MAP7D2: variants seen among roughly 807,000 people sequenced by gnomAD.
MAP7D2 encodes the protein MAP7 domain-containing protein 2.
In MAP7D2, 33 loss-of-function variants were observed where a neutral mutation model predicts 63.5. The observed-to-expected ratio is 0.52, with a 90% CI of 0.39 to 0.70. MAP7D2 has a LOEUF of 0.70. MAP7D2 is among the 30% of genes least tolerant of loss of function. The pLI is 0.00. For missense variants in MAP7D2, 626 were observed against 604.0 expected (o/e 1.04, Z -0.38); for synonymous variants, 224 against 223.7 (o/e 1.00, Z -0.01).
intron 6 of MAP7D2, among the ~76,000 whole-genome samples, chrX:20,048,969 G>A (rs1321151830): frequency 2.7e-5 from 3 of 109,517 alleles, no homozygotes; most frequent in East Asian, 5.7e-4. Flanking sequence ...ATATGTATAC[G>A]TATACATATA....
chrX:20,039,116 G>A (rs952205502), intron 8 of MAP7D2, among the ~76,000 whole-genome samples: 1 of 112,381 alleles, frequency 8.9e-6, no homozygotes, highest in South Asian at 3.7e-4. Flanking sequence ...TACCAGCTAC[G>A]ATCACAGGAC....
At chrX:20,017,198 G>C (rs2073429411) in intron 10 of MAP7D2, 1 of 114,096 alleles carries the variant, frequency 8.8e-6, no homozygotes, top group Admixed American at 9.5e-5. Flanking sequence ...CAATGTTCTT[G>C]ATGCCCATTT....
chrX:20,025,227 G>A (rs2073796293), intron 9 of MAP7D2, 144 bp from the exon 10 acceptor site: 4 of 673,951 alleles, frequency 5.9e-6, no homozygotes, highest in African/African-American at 2.2e-5. Context: ...TAGCACAATC[G>A]ACCACCAAGC....
intron 1 of MAP7D2, among the ~76,000 whole-genome samples, chrX:20,078,626 C>T (rs1333211532): frequency 8.9e-6 from 1 of 112,794 alleles, no homozygotes; most frequent in Non-Finnish European, 1.9e-5. Flanking sequence ...AGCTGTTAAA[C>T]AGCACCTGTG....
intron 1 of MAP7D2, among the ~76,000 whole-genome samples, chrX:20,070,511 T>A (rs983682190): frequency 1.8e-5 from 2 of 110,616 alleles, no homozygotes; most frequent in African/African-American, 6.6e-5. Context: ...GGCCCAAATG[T>A]GAAGCCCTGG....
At chrX:20,031,499 C>T (rs2074049580) in intron 8 of MAP7D2, among the ~76,000 whole-genome samples, 1 of 109,987 alleles carries the variant, frequency 9.1e-6, no homozygotes, top group Non-Finnish European at 1.9e-5. Context: ...GACCTGGTGG[C>T]TCATGCCTGT....
chrX:20,043,372 C>T (rs1484547226), intron 7 of MAP7D2, among the ~76,000 whole-genome samples: 1 of 112,094 alleles, frequency 8.9e-6, no homozygotes, highest in East Asian at 2.8e-4. Flanking sequence ...GGCTTAATTC[C>T]TCTCCTCTTG....
intron 1 of MAP7D2, among the ~76,000 whole-genome samples, chrX:20,107,895 C>CATG (rs2066615358): frequency 8.9e-6 from 1 of 111,755 alleles, no homozygotes; most frequent in Admixed American, 9.5e-5. Flanking sequence ...GAAACTGTAG[C>CATG]ATGATGTACT....
At chrX:20,113,339 C>T (rs1188382997) in intron 1 of MAP7D2, among the ~76,000 whole-genome samples, 1 of 111,233 alleles carries the variant, frequency 9.0e-6, no homozygotes, top group African/African-American at 3.3e-5. Context: ...CTCCGCCTCC[C>T]GGGTTCAAGC....
chrX:20,110,666 A>T (rs1463975131), intron 1 of MAP7D2, among the ~76,000 whole-genome samples: 1 of 107,243 alleles, frequency 9.3e-6, no homozygotes, highest in Admixed American at 1.0e-4. Context: ...CTGTCTCAAA[A>T]AAAAAAAAAA....
chrX:20,026,607 G>A (rs1034841883), intron 8 of MAP7D2, among the ~76,000 whole-genome samples: 1 of 112,226 alleles, frequency 8.9e-6, no homozygotes, highest in Admixed American at 9.4e-5. Flanking sequence ...GGGATGGGGG[G>A]TGTTTTTTGG....
intron 1 of MAP7D2, among the ~76,000 whole-genome samples, chrX:20,115,119 T>C (rs1450026037): frequency 1.8e-5 from 2 of 110,697 alleles, no homozygotes; most frequent in Non-Finnish European, 3.8e-5. Flanking sequence ...GAAGATATCC[T>C]TAAGCTAATC....
At chrX:20,035,481 G>C (rs2074193704) in intron 8 of MAP7D2, among the ~76,000 whole-genome samples, 1 of 112,167 alleles carries the variant, frequency 8.9e-6, no homozygotes, top group African/African-American at 3.2e-5. Flanking sequence ...TCTAGACAGA[G>C]TGGAAATTAA....
At chrX:20,080,960 G>A (rs2065763024) in intron 1 of MAP7D2, among the ~76,000 whole-genome samples, 1 of 111,950 alleles carries the variant, frequency 8.9e-6, no homozygotes, top group Non-Finnish European at 1.9e-5. Flanking sequence ...GTTGCTCAAT[G>A]AGGGTTGTGT....
At chrX:20,027,583 G>C (rs918001250) in intron 8 of MAP7D2, among the ~76,000 whole-genome samples, 1 of 110,452 alleles carries the variant, frequency 9.1e-6, no homozygotes, top group Admixed American at 9.7e-5. Context: ...CCCCACGCAG[G>C]TTATGACAAC....
rs772327307 is a variant in MAP7D2 at position 20,025,872 on chromosome X, G to C, written c.1088C>G (p.Pro363Arg). 8.3e-7 allele frequency: 1 copy of C among 1,211,688 alleles called. No individual in the cohort carries two copies. Among genetic ancestry groups the C allele is most frequent in the South Asian group, 1.8e-5 (1 of 56,976 alleles). The stretch of plus-strand genomic sequence containing the variant: ...GGGCATGTCTTGGCCAGAAAGGGCA[G>C]GTAAGCGGTACTTCACAGGAGACCC... ...YPGSPVKYRL[P>R]ALSGQDMPKR... Residue 363 changes from proline (P) to arginine (R), a missense_variant, in exon 9 of 17, where the codon CCT (proline) becomes CGT (arginine). Pro to Arg is a moderately radical substitution (Grantham distance 103). Coordinates refer to ENST00000379643, the MANE Select transcript of MAP7D2 (RefSeq NM_001168465.2).
intron 6 of MAP7D2, among the ~76,000 whole-genome samples, chrX:20,048,252 T>C: frequency 8.9e-6 from 1 of 112,141 alleles, no homozygotes. Context: ...TTTGGGTATG[T>C]GCTGGGCATG....
Position 20,078,746 on chromosome X carries a change from A to G in MAP7D2, c.131-13941T>C, listed in dbSNP as rs556858571. On this transcript the variant is annotated intron_variant, in intron 1 of 16. Transcript: ENST00000379643. Reference sequence around the variant, plus strand: ...ATTATCATCATTATTACTGGTTTAGATATGGCCCTGAAATGAGATATGTCC... The same window carrying G: ...ATTATCATCATTATTACTGGTTTAGGTATGGCCCTGAAATGAGATATGTCC... 5.4e-5 allele frequency among the ~76,000 whole-genome samples: 6 copies of G among 111,851 alleles called. No homozygotes were observed. In the South Asian group the frequency reaches 2.2e-3, roughly 42 times the overall value.
chrX:20,019,523 A>C (rs1176260088), intron 10 of MAP7D2, among the ~76,000 whole-genome samples: 1 of 111,513 alleles, frequency 9.0e-6, no homozygotes, highest in Non-Finnish European at 1.9e-5. Context: ...TGTCTGTTGG[A>C]AACTCCAGCA....
Sources: allele counts gnomAD v4.1 joint callset (sites outside exome capture counted in the v4.1 genomes callset), GRCh38; gene constraint gnomAD v4.1.1; transcripts MANE v1.5; gene names NCBI Gene and HGNC (gene_info 2026-07-23, HGNC 2026-07-21).